The following CATSPERT variants were observed in gnomAD, a reference collection of about 807,000 sequenced individuals.
The protein encoded by CATSPERT is catsper channel auxiliary subunit tau.
chr2:201,560,387 C>T, the CATSPERT span, among the ~76,000 whole-genome samples: 10,950 of 151,170 alleles, frequency 0.072, 561 homozygotes, highest in Middle Eastern at 0.11. Flanking sequence ...AGTACCACTG[C>T]ACTCCAGCCT....
At chr2:201,592,532 A>G in the CATSPERT span, among the ~76,000 whole-genome samples, 1 of 151,190 alleles carries the variant, frequency 6.6e-6, no homozygotes, top group Non-Finnish European at 1.5e-5. Context: ...TTTTCTATTT[A>G]TTGGAATAGT....
chr2:201,590,052 G>A, the CATSPERT span, among the ~76,000 whole-genome samples: 105 of 152,042 alleles, frequency 6.9e-4, 1 homozygote, highest in Admixed American at 1.4e-3. Flanking sequence ...AGTTACATAT[G>A]TATACATGTG....
the CATSPERT span, among the ~76,000 whole-genome samples, chr2:201,519,245 G>C: frequency 6.6e-6 from 1 of 152,126 alleles, no homozygotes; most frequent in Non-Finnish European, 1.5e-5. Context: ...AGGCCACTGA[G>C]ATGCAAATGA....
At chr2:201,566,209 T>C in the CATSPERT span, among the ~76,000 whole-genome samples, 2 of 152,046 alleles carry the variant, frequency 1.3e-5, no homozygotes, top group African/African-American at 4.8e-5. Flanking sequence ...TAAATTTCTT[T>C]TTTTTTTTAT....
At chr2:201,503,761 T>A in the CATSPERT span, among the ~76,000 whole-genome samples, 8 of 61,614 alleles carry the variant, frequency 1.3e-4, no homozygotes, top group Non-Finnish European at 2.9e-4. Flanking sequence ...GATTGATAAA[T>A]TTTTTTTTCT....
chr2:201,517,559 A>G, the CATSPERT span, among the ~76,000 whole-genome samples: 2 of 152,224 alleles, frequency 1.3e-5, no homozygotes, highest in African/African-American at 4.8e-5. Context: ...AGATGCTGCC[A>G]GAAGACTTCT....
the CATSPERT span, chr2:201,557,184 T>A: frequency 6.6e-6 from 1 of 152,368 alleles, no homozygotes; most frequent in African/African-American, 2.4e-5. Flanking sequence ...GCATTTTCAA[T>A]ATGATACATA....
At chr2:201,503,003 A>G in the CATSPERT span, among the ~76,000 whole-genome samples, 2 of 151,636 alleles carry the variant, frequency 1.3e-5, no homozygotes, top group Non-Finnish European at 2.9e-5. Flanking sequence ...TTAATCTCTT[A>G]AAGGTTACTA....
chr2:201,590,404 G>A, the CATSPERT span, among the ~76,000 whole-genome samples: 11 of 152,136 alleles, frequency 7.2e-5, no homozygotes, highest in East Asian at 1.4e-3. Context: ...ATTTGGGTTG[G>A]TTCCAAGTCT....
chr2:201,499,932 C>T, the CATSPERT span, among the ~76,000 whole-genome samples: 3 of 148,956 alleles, frequency 2.0e-5, no homozygotes, highest in Non-Finnish European at 4.4e-5. Context: ...CACTTTTTCC[C>T]ATCAACCCCC....
At chr2:201,522,698 A>G in the CATSPERT span, among the ~76,000 whole-genome samples, 1 of 152,300 alleles carries the variant, frequency 6.6e-6, no homozygotes, top group African/African-American at 2.4e-5. Flanking sequence ...GTTGGCAGGG[A>G]CAGGGCTCCA....
the CATSPERT span, among the ~76,000 whole-genome samples, chr2:201,564,715 A>G: frequency 6.6e-5 from 10 of 152,248 alleles, no homozygotes; most frequent in African/African-American, 2.2e-4. Context: ...GGTAAATAGA[A>G]GGCCATTTGC....
the CATSPERT span, among the ~76,000 whole-genome samples, chr2:201,563,051 G>GC: frequency 2.0e-5 from 3 of 150,908 alleles, no homozygotes; most frequent in East Asian, 5.9e-4. Flanking sequence ...AGACGGGGTG[G>GC]TGGCCGGGCA....
chr2:201,518,119 T>C, the CATSPERT span, among the ~76,000 whole-genome samples: 8 of 152,176 alleles, frequency 5.3e-5, no homozygotes, highest in African/African-American at 1.9e-4. Context: ...GATGCCAGTC[T>C]GTAGGTTAGC....
the CATSPERT span, among the ~76,000 whole-genome samples, chr2:201,577,176 A>G: frequency 6.6e-6 from 1 of 152,210 alleles, no homozygotes; most frequent in African/African-American, 2.4e-5. Flanking sequence ...TATGAAACAT[A>G]AATGAACTTC....
the CATSPERT span, among the ~76,000 whole-genome samples, chr2:201,588,137 C>T: frequency 5.9e-5 from 9 of 152,146 alleles, no homozygotes; most frequent in Non-Finnish European, 1.3e-4. Flanking sequence ...GCCTCCCTAA[C>T]TCATTCTATG....
the CATSPERT span, among the ~76,000 whole-genome samples, chr2:201,616,185 G>A: frequency 6.6e-6 from 1 of 152,164 alleles, no homozygotes; most frequent in African/African-American, 2.4e-5. Context: ...GAAAAACAGG[G>A]AATCATCCCA....
At chr2:201,619,167 C>T in the CATSPERT span, 28 of 1,604,954 alleles carry the variant, frequency 1.7e-5, no homozygotes, top group Non-Finnish European at 2.2e-5. Context: ...GCCCAACCGA[C>T]GGCCCGCTAC....
At chr2:201,529,605 T>A in the CATSPERT span, among the ~76,000 whole-genome samples, 1 of 152,086 alleles carries the variant, frequency 6.6e-6, no homozygotes, top group Non-Finnish European at 1.5e-5. Context: ...TCAAAATGTA[T>A]AAAAGACTTA....
Sources: gnomAD v4.1 joint callset for allele counts (sites outside exome capture counted in the v4.1 genomes callset) on GRCh38, gnomAD v4.1.1 for gene constraint, MANE v1.5 for transcripts, NCBI Gene and HGNC (gene_info 2026-07-23, HGNC 2026-07-21) for gene names.